GRIA4: variants seen among roughly 807,000 people sequenced by gnomAD.
GRIA4 encodes glutamate ionotropic receptor AMPA type subunit 4.
Under a neutral mutation model 104.0 loss-of-function variants are expected in GRIA4, and 34 were observed. That is an observed-to-expected ratio of 0.33 (90% CI 0.25 to 0.44). The LOEUF is 0.44. GRIA4 is among the 20% of genes least tolerant of loss of function. The probability of loss-of-function intolerance (pLI) is 1.00; values close to 1 mark genes in which losing one functional copy is unlikely to be tolerated. For missense variants in GRIA4, 750 were observed against 1,096.5 expected (o/e 0.68, Z 4.46); for synonymous variants, 386 against 381.9 (o/e 1.01, Z -0.13).
chr11:105,882,650 C>T (rs978950573), intron 5 of GRIA4, among the ~76,000 whole-genome samples: 8 of 152,258 alleles, frequency 5.3e-5, no homozygotes, highest in African/African-American at 1.2e-4. Context: ...AAACCCACTG[C>T]GTTCCCCTTA....
At chr11:105,612,176 G>T in intron 2 of GRIA4, 100 bp from the exon 3 acceptor site, 73 of 1,032,990 alleles carry the variant, frequency 7.1e-5, no homozygotes, top group Middle Eastern at 4.3e-4. Context: ...CTCTTTAATT[G>T]TATGTGCTTG....
chr11:105,937,150 G>A (rs762745469), intron 14 of GRIA4, among the ~76,000 whole-genome samples: 1 of 152,078 alleles, frequency 6.6e-6, no homozygotes, highest in Non-Finnish European at 1.5e-5. Flanking sequence ...TTCTCTGGTT[G>A]AGAAATGTCC....
intron 4 of GRIA4, among the ~76,000 whole-genome samples, chr11:105,800,258 A>G (rs1591277583): frequency 6.6e-6 from 1 of 152,064 alleles, no homozygotes; most frequent in East Asian, 1.9e-4. Flanking sequence ...GAGTGACTAC[A>G]GTGTGAAAGG....
At chr11:105,684,650 A>G (rs1195922993) in intron 3 of GRIA4, among the ~76,000 whole-genome samples, 1 of 148,294 alleles carries the variant, frequency 6.7e-6, no homozygotes, top group Non-Finnish European at 1.5e-5. Context: ...TTAAATATAT[A>G]TGTATTTAAA....
In GRIA4 at chr11:105,612,384, C is replaced by A; in HGVS notation, c.197C>A (p.Pro66His). Residue 66 changes from proline to histidine, a missense_variant, in exon 3 of 17, where the codon CCT (proline) becomes CAT (histidine). By Grantham distance (77) the Pro-to-His change is moderately conservative. Transcript: ENST00000282499. Reference protein sequence around the residue: ...NASEAPFNLVPHVDNIETANS... With the variant: ...NASEAPFNLVHHVDNIETANS... ...TCGGAAGCTCCTTTTAATTTGGTAC[C>A]TCATGTGGACAACATTGAGACAGCC... The A allele has an allele frequency of 6.2e-7, 1 of 1,614,068 alleles. No homozygotes were observed. Among genetic ancestry groups the A allele is most frequent in the Non-Finnish European group, 8.5e-7 (1 of 1,179,958 alleles).
intron 14 of GRIA4, among the ~76,000 whole-genome samples, chr11:105,965,352 A>G (rs1858303012): frequency 6.6e-6 from 1 of 151,022 alleles, no homozygotes; most frequent in African/African-American, 2.4e-5. Flanking sequence ...TTTTCCCTAG[A>G]GCTGCTGCTG....
At chr11:105,892,696 G>A (rs928942402) in intron 6 of GRIA4, among the ~76,000 whole-genome samples, 8 of 152,004 alleles carry the variant, frequency 5.3e-5, no homozygotes, top group Non-Finnish European at 7.4e-5. Flanking sequence ...TGTGCTTCCC[G>A]TTTTTTAACT....
intron 4 of GRIA4, among the ~76,000 whole-genome samples, chr11:105,848,971 T>A (rs1391418735): frequency 1.3e-5 from 2 of 152,086 alleles, no homozygotes; most frequent in Non-Finnish European, 2.9e-5. Flanking sequence ...GGCAGGTGGA[T>A]CACCTGAGGT....
At chr11:105,624,696 A>G (rs1950841143) in intron 3 of GRIA4, among the ~76,000 whole-genome samples, 1 of 152,040 alleles carries the variant, frequency 6.6e-6, no homozygotes, top group African/African-American at 2.4e-5. Flanking sequence ...TTTAACATCA[A>G]TACAAAGTGA....
chr11:105,867,412 C>T (rs928421722), intron 5 of GRIA4, among the ~76,000 whole-genome samples: 21 of 152,186 alleles, frequency 1.4e-4, no homozygotes, highest in African/African-American at 4.8e-4. Flanking sequence ...TGGTCAAATG[C>T]ATGGCAATAC....
At chr11:105,674,817 T>A (rs1354238136) in intron 3 of GRIA4, among the ~76,000 whole-genome samples, 1 of 151,900 alleles carries the variant, frequency 6.6e-6, no homozygotes, top group East Asian at 1.9e-4. Flanking sequence ...AAACAAACAT[T>A]TTATTCCATG....
intron 12 of GRIA4, among the ~76,000 whole-genome samples, chr11:105,925,817 G>A (rs907708551): frequency 6.6e-6 from 1 of 152,038 alleles, no homozygotes; most frequent in Non-Finnish European, 1.5e-5. Flanking sequence ...CTTTGGAAAT[G>A]CTATGAAAAA....
intron 3 of GRIA4, among the ~76,000 whole-genome samples, chr11:105,698,284 A>T (rs1163229399): frequency 2.0e-5 from 3 of 152,202 alleles, no homozygotes; most frequent in East Asian, 3.9e-4. Flanking sequence ...ATGTAATTAT[A>T]GTGCAAGATT....
At chr11:105,692,330 C>T (rs1245509890) in intron 3 of GRIA4, among the ~76,000 whole-genome samples, 2 of 151,920 alleles carry the variant, frequency 1.3e-5, no homozygotes, top group Non-Finnish European at 2.9e-5. Flanking sequence ...TATTATTTAG[C>T]GTGCTTACAT....
intron 6 of GRIA4, among the ~76,000 whole-genome samples, chr11:105,896,898 T>A (rs935920584): frequency 6.6e-6 from 1 of 152,208 alleles, no homozygotes; most frequent in Non-Finnish European, 1.5e-5. Flanking sequence ...TCAAGCTTTT[T>A]ATTAGTTCCA....
chr11:105,653,738 A>C (rs1951749712), intron 3 of GRIA4, among the ~76,000 whole-genome samples: 1 of 151,980 alleles, frequency 6.6e-6, no homozygotes, highest in East Asian at 1.9e-4. Flanking sequence ...GGATGTGAAA[A>C]TTCTTGGCTG....
At chr11:105,709,546 C>T (rs1591115994) in intron 3 of GRIA4, among the ~76,000 whole-genome samples, 1 of 152,002 alleles carries the variant, frequency 6.6e-6, no homozygotes, top group Non-Finnish European at 1.5e-5. Flanking sequence ...AGTGGAGAAA[C>T]CTGGTGGACA....
intron 3 of GRIA4, among the ~76,000 whole-genome samples, chr11:105,643,987 G>A (rs1382758815): frequency 6.6e-6 from 1 of 152,166 alleles, no homozygotes; most frequent in African/African-American, 2.4e-5. Flanking sequence ...CCAGAGTGCT[G>A]GGATTACAGG....
chr11:105,744,854 G>A (rs1939546924), intron 3 of GRIA4, among the ~76,000 whole-genome samples: 1 of 152,092 alleles, frequency 6.6e-6, no homozygotes, highest in Non-Finnish European at 1.5e-5. Context: ...CACATGTTAT[G>A]TGTTACACTG....
Sources: allele counts gnomAD v4.1 joint callset (sites outside exome capture counted in the v4.1 genomes callset), GRCh38; gene constraint gnomAD v4.1.1; transcripts MANE v1.5; gene names NCBI Gene and HGNC (gene_info 2026-07-23, HGNC 2026-07-21).